Variants in AKAP13 observed in about 807,000 individuals in gnomAD.
AKAP13 encodes A-kinase anchor protein 13.
In AKAP13, 80 loss-of-function variants were observed where a neutral mutation model predicts 264.5. The observed-to-expected ratio is 0.30, with a 90% CI of 0.25 to 0.36. AKAP13 has a LOEUF of 0.36. AKAP13 is among the 10% of genes least tolerant of loss of function. AKAP13 has a pLI of 1.00. For missense variants in AKAP13, 3,712 were observed against 3,435.2 expected (o/e 1.08, Z -2.01); for synonymous variants, 1,380 against 1,250.2 (o/e 1.10, Z -2.19).
At chr15:85,504,507 A>AAAAAAAAAAAAAAAAAAAAAAAAAAC (rs2076137222) in intron 2 of AKAP13, among the ~76,000 whole-genome samples, 1 of 9,766 alleles carries the variant, frequency 1.0e-4, no homozygotes, top group Non-Finnish European at 4.2e-4. Context: ...TCTTTACAAA[A>AAAAAAAAAAAAAAAAAAAAAAAAAAC]AAAAAAAAAA....
chr15:85,446,666 C>A (rs1162450703), intron 1 of AKAP13, among the ~76,000 whole-genome samples: 3 of 151,598 alleles, frequency 2.0e-5, no homozygotes, highest in South Asian at 2.1e-4. Context: ...AGTAAACATG[C>A]CTTTTCGTCT....
chr15:85,442,475 T>TA (rs1555429969), intron 1 of AKAP13, among the ~76,000 whole-genome samples: 5 of 120,662 alleles, frequency 4.1e-5, no homozygotes, highest in African/African-American at 1.3e-4. Flanking sequence ...ATAATATATA[T>TA]TATATAATAT....
At chr15:85,703,687 C>G (rs2086057782) in intron 17 of AKAP13, among the ~76,000 whole-genome samples, 2 of 151,892 alleles carry the variant, frequency 1.3e-5, no homozygotes, top group Non-Finnish European at 2.9e-5. Context: ...ACTAAAAATA[C>G]AAAAAATTAG....
intron 8 of AKAP13, among the ~76,000 whole-genome samples, chr15:85,594,864 C>T (rs367924705): frequency 1.3e-5 from 2 of 152,122 alleles, no homozygotes; most frequent in African/African-American, 2.4e-5. Context: ...AGTTGACCAC[C>T]AGAAGAGTAA....
intron 1 of AKAP13, among the ~76,000 whole-genome samples, chr15:85,400,316 G>A (rs2071361876): frequency 6.6e-6 from 1 of 152,054 alleles, no homozygotes; most frequent in Non-Finnish European, 1.5e-5. Flanking sequence ...AGGCTGAGGC[G>A]GAAGGATCAC....
At chr15:85,511,900 G>GT (rs776431111) in intron 2 of AKAP13, among the ~76,000 whole-genome samples, 155 of 152,128 alleles carry the variant, frequency 1.0e-3, no homozygotes, top group Admixed American at 9.8e-4. Flanking sequence ...TTGTGTTTTT[G>GT]TATTATTTTC....
At chr15:85,478,353 A>G (rs2075244469) in intron 1 of AKAP13, among the ~76,000 whole-genome samples, 1 of 110,416 alleles carries the variant, frequency 9.1e-6, no homozygotes, top group Non-Finnish European at 2.2e-5. Context: ...ACAACTTTCA[A>G]ATAAACTCTA....
chr15:85,563,346 T>TC (rs1489964499), intron 5 of AKAP13, among the ~76,000 whole-genome samples: 22 of 140,292 alleles, frequency 1.6e-4, no homozygotes, highest in Non-Finnish European at 2.7e-4. Context: ...TTTTTTTTTT[T>TC]TTTTTTTTAA....
In AKAP13 at chr15:85,743,783, G is replaced by A. The variant is rs1004606007; in HGVS notation, c.8350G>A (p.Glu2784Lys). 1.9e-6 allele frequency: 3 copies of A among 1,610,286 alleles called. No homozygotes were observed. The highest frequency in any genetic ancestry group is 1.7e-6 in the Non-Finnish European group (2 of 1,178,864). Residue 2784 changes from glutamate to lysine, a missense_variant, in exon 36 of 37, where the codon GAG becomes AAG. Around this residue, in one of 3 missense-constraint regions of AKAP13, gnomAD observed 611 missense variants for 539.3 expected, o/e 1.13. Coordinates refer to ENST00000394518, the MANE Select transcript of AKAP13 (RefSeq NM_007200.5). Reference sequence around the variant, plus strand: ...GTTAACAAAGCCAAAGGAAAAGAAGGAGAAAAAAAAGAAGAACAAAACCAG... The same window carrying A: ...GTTAACAAAGCCAAAGGAAAAGAAGAAGAAAAAAAAGAAGAACAAAACCAG... ...FGLTKPKEKK[E>K]KKKKNKTSRS...
chr15:85,575,562 G>A (rs1401476785), intron 6 of AKAP13, among the ~76,000 whole-genome samples: 1 of 152,042 alleles, frequency 6.6e-6, no homozygotes, highest in Admixed American at 6.5e-5. Context: ...CCTGGTGGCG[G>A]GCGCCTGTAG....
intron 1 of AKAP13, among the ~76,000 whole-genome samples, 199 bp downstream of exon 1, chr15:85,380,997 C>T (rs925816325): frequency 1.8e-4 from 28 of 152,184 alleles, no homozygotes; most frequent in African/African-American, 5.1e-4. Context: ...GACCCCTCCT[C>T]CCTGCGCATC....
chr15:85,641,051 G>A (rs985353857), intron 9 of AKAP13, among the ~76,000 whole-genome samples: 1 of 152,072 alleles, frequency 6.6e-6, no homozygotes, highest in Admixed American at 6.6e-5. Context: ...TTTGATTTTA[G>A]GCATAGTGTT....
At chr15:85,485,907 G>C (rs1407277783) in intron 2 of AKAP13, among the ~76,000 whole-genome samples, 154 bp downstream of exon 2, 1 of 152,200 alleles carries the variant, frequency 6.6e-6, no homozygotes, top group Non-Finnish European at 1.5e-5. Flanking sequence ...AATTGAGTTT[G>C]ATTTAGTAAA....
At chr15:85,557,735 T>TA (rs1567123598) in intron 5 of AKAP13, among the ~76,000 whole-genome samples, 1 of 152,122 alleles carries the variant, frequency 6.6e-6, no homozygotes, top group Admixed American at 6.6e-5. Context: ...CTCAGCCTCC[T>TA]AAAATGCTGG....
At chr15:85,384,702 G>T (rs1401750228) in intron 1 of AKAP13, among the ~76,000 whole-genome samples, 1 of 148,570 alleles carries the variant, frequency 6.7e-6, no homozygotes, top group East Asian at 1.9e-4. Context: ...GGGCGACAGA[G>T]CGAGACTCCG....
rs564311047 is a variant in AKAP13 at position 85,398,116 on chromosome 15, C to G, written c.-12+17318C>G. Reference sequence around the variant, plus strand: ...TAGAACTTATACTCTGCTCAGCATTCCTCATTCTGGCGAGAGTTGAAACGA... The same window carrying G: ...TAGAACTTATACTCTGCTCAGCATTGCTCATTCTGGCGAGAGTTGAAACGA... On this transcript the variant is annotated intron_variant, in intron 1 of 36. Transcript: ENST00000394518. Among the ~76,000 whole-genome samples, 3 of 152,258 alleles carry G rather than the reference C, an allele frequency of 2.0e-5. No homozygotes were observed. The South Asian group carries it at 6.2e-4, about 32-fold the overall frequency.
intron 1 of AKAP13, among the ~76,000 whole-genome samples, chr15:85,400,507 G>A (rs189527780): frequency 2.1e-4 from 32 of 152,260 alleles, no homozygotes; most frequent in Admixed American, 9.8e-4. Flanking sequence ...TGACATCATG[G>A]TTTAGATAAT....
intron 13 of AKAP13, among the ~76,000 whole-genome samples, chr15:85,668,149 T>C (rs2083708403): frequency 6.6e-6 from 1 of 152,224 alleles, no homozygotes; most frequent in Non-Finnish European, 1.5e-5. Context: ...GGTCATTTTT[T>C]AGACCTCACA....
chr15:85,421,578 C>T (rs1465222140), intron 1 of AKAP13, among the ~76,000 whole-genome samples: 3 of 152,164 alleles, frequency 2.0e-5, no homozygotes, highest in Non-Finnish European at 2.9e-5. Context: ...TTTGTGTGTG[C>T]GCGTGTGCGC....
Sources: allele counts gnomAD v4.1 joint callset (sites outside exome capture counted in the v4.1 genomes callset), GRCh38; gene constraint gnomAD v4.1.1; regional missense constraint gnomAD v4.1.1; transcripts MANE v1.5; gene names NCBI Gene and HGNC (gene_info 2026-07-23, HGNC 2026-07-21).